Variants in DPP4 observed in about 807,000 individuals in gnomAD.
DPP4 encodes the protein dipeptidyl peptidase 4, also known as ADCP-2.
A neutral mutation model predicts 122.4 loss-of-function variants in DPP4; 93 were observed. The ratio of observed to expected loss-of-function variants is 0.76; its 90% CI spans 0.64 to 0.90. DPP4 has a LOEUF of 0.90. Among genes scored for constraint, DPP4 ranks in the 40% least tolerant of loss-of-function variants. DPP4 has a pLI of 0.00. For synonymous variants in DPP4, 321 were observed against 302.9 expected (o/e 1.06, Z -0.62); for missense variants, 914 against 907.3 (o/e 1.01, Z -0.09).
At chr2:162,009,867 G>GA (rs1377728827) in intron 20 of DPP4, among the ~76,000 whole-genome samples, 1 of 152,106 alleles carries the variant, frequency 6.6e-6, no homozygotes, top group African/African-American at 2.4e-5. Context: ...GATGGATTAA[G>GA]AAGTCTTCTT....
intron 17 of DPP4, 116 bp from the exon 18 acceptor site, chr2:162,016,982 T>C (rs1682948773): frequency 7.1e-7 from 1 of 1,407,766 alleles, no homozygotes; most frequent in African/African-American, 1.4e-5. Flanking sequence ...CTTCAGGTTA[T>C]AAGGCTTGTG....
intron 23 of DPP4, among the ~76,000 whole-genome samples, chr2:162,003,186 C>G (rs1228631582): frequency 6.6e-6 from 1 of 152,114 alleles, no homozygotes; most frequent in Non-Finnish European, 1.5e-5. Context: ...ACTTTGTGCA[C>G]CCAGTGTGCG....
chr2:162,036,276 CTCCTT>C (rs1683765490), intron 8 of DPP4, among the ~76,000 whole-genome samples: 1 of 152,080 alleles, frequency 6.6e-6, no homozygotes, highest in Admixed American at 6.6e-5. Flanking sequence ...TGCCTGATAC[CTCCTT>C]TCAAGTTACT....
At chr2:162,030,333 TC>T (rs748026745) in intron 10 of DPP4, among the ~76,000 whole-genome samples, 8 of 152,232 alleles carry the variant, frequency 5.3e-5, no homozygotes, top group Non-Finnish European at 8.8e-5. Context: ...GCTGCCCTTC[TC>T]ACTTATCAGA....
chr2:162,067,352 A>AG (rs2106159466), intron 2 of DPP4, among the ~76,000 whole-genome samples: 1 of 152,228 alleles, frequency 6.6e-6, no homozygotes, highest in African/African-American at 2.4e-5. Context: ...AAGTCAGGGA[A>AG]GGGGTGGATG....
intron 23 of DPP4, among the ~76,000 whole-genome samples, chr2:162,000,359 C>G (rs1701115853): frequency 6.6e-6 from 1 of 152,212 alleles, no homozygotes; most frequent in Non-Finnish European, 1.5e-5. Flanking sequence ...AACAACTGTA[C>G]CCATGGGATG....
intron 23 of DPP4, among the ~76,000 whole-genome samples, chr2:162,001,690 A>G (rs2970932): frequency 0.68 from 103,715 of 152,068 alleles, 36,767 homozygotes; most frequent in African/African-American, 0.89. Context: ...AGCCCACTCC[A>G]CAAGGTGTGG....
intron 12 of DPP4, 61 bp downstream of exon 12, chr2:162,022,694 T>C (rs916576623): frequency 2.6e-6 from 4 of 1,517,750 alleles, no homozygotes; most frequent in Admixed American, 3.3e-5. Context: ...TTTAAATAGC[T>C]GCATATCAAA....
At chr2:162,053,023 T>A (rs1394960412) in intron 2 of DPP4, among the ~76,000 whole-genome samples, 2 of 152,220 alleles carry the variant, frequency 1.3e-5, no homozygotes, top group African/African-American at 2.4e-5. Flanking sequence ...GCTGAATGGT[T>A]TCTCCTGACA....
chr2:162,036,339 T>C (rs1412906496), intron 8 of DPP4, among the ~76,000 whole-genome samples: 4 of 152,202 alleles, frequency 2.6e-5, no homozygotes, highest in East Asian at 3.9e-4. Context: ...AAATAATTAC[T>C]GTAATAAAAT....
At chr2:162,008,212 G>A (rs1701333488) in intron 22 of DPP4, among the ~76,000 whole-genome samples, 1 of 152,030 alleles carries the variant, frequency 6.6e-6, no homozygotes, top group Admixed American at 6.6e-5. Flanking sequence ...TAATTGATGG[G>A]AAAGAGATAC....
At chr2:162,039,664 TAA>T (rs1683919073) in intron 5 of DPP4, among the ~76,000 whole-genome samples, 1 of 152,230 alleles carries the variant, frequency 6.6e-6, no homozygotes, top group South Asian at 2.1e-4. Flanking sequence ...ATATTAAAAT[TAA>T]AATACATATA....
chr2:162,039,626 A>G (rs1162349673), intron 5 of DPP4, among the ~76,000 whole-genome samples: 1 of 152,168 alleles, frequency 6.6e-6, no homozygotes, highest in African/African-American at 2.4e-5. Context: ...AAAGTGTTAT[A>G]AAGTTTTTGG....
In DPP4 at chr2:162,048,049, T is replaced by G. The variant is rs888934161; in HGVS notation, c.95-548A>C. Among the ~76,000 whole-genome samples, 39 of 152,152 alleles carry G rather than the reference T, an allele frequency of 2.6e-4. 1 individual carries two copies. Reference sequence around the variant, plus strand: ...GTGTGGCCAGGTGTTCAACGACTACTGTAGTGGATGGCCTGGAGCTAGATC... The same window carrying G: ...GTGTGGCCAGGTGTTCAACGACTACGGTAGTGGATGGCCTGGAGCTAGATC... On this transcript the variant is annotated intron_variant, in intron 2 of 25. Transcript: ENST00000360534.
chr2:162,011,199 C>T (rs1682697161), intron 20 of DPP4, among the ~76,000 whole-genome samples: 1 of 152,146 alleles, frequency 6.6e-6, no homozygotes. Flanking sequence ...TGAGCCAGAT[C>T]ACATCTAGTT....
intron 2 of DPP4, among the ~76,000 whole-genome samples, chr2:162,052,135 A>G (rs935971657): frequency 7.9e-5 from 12 of 151,948 alleles, no homozygotes; most frequent in Admixed American, 6.6e-4. Context: ...ACTGACCAAC[A>G]TGGAGAAACC....
At chr2:162,065,043 C>A (rs1196599813) in intron 2 of DPP4, among the ~76,000 whole-genome samples, 1 of 152,208 alleles carries the variant, frequency 6.6e-6, no homozygotes, top group African/African-American at 2.4e-5. Context: ...TTCAATTCAA[C>A]TTAGGTATTT....
At position 162,045,580 on chromosome 2, in the gene DPP4, T is replaced by C. The variant is rs1228483107; in HGVS notation, c.318A>G (p.Ser106=). ...DEFGHSINDY[S]ISPDGQFILL... is the part of the protein sequence containing the mutation. ...GAATAAACTGCCCATCAGGAGATAT[T>C]GAATAATCATTGATAGAATGTCCAA... is the stretch of plus-strand genomic sequence containing the variant. The change falls in exon 5 of 26, where the codon TCA becomes TCG. Residue 106 remains serine, a synonymous_variant. Coordinates refer to ENST00000360534, the MANE Select transcript of DPP4 (RefSeq NM_001935.4). The C allele has an allele frequency of 6.2e-7, 1 of 1,612,870 alleles. No homozygotes were observed. Among genetic ancestry groups the C allele is most frequent in the Non-Finnish European group, 8.5e-7 (1 of 1,179,070 alleles).
At chr2:162,045,792 A>T (rs1216466451) in intron 4 of DPP4, among the ~76,000 whole-genome samples, 180 bp from the exon 5 acceptor site, 1 of 152,222 alleles carries the variant, frequency 6.6e-6, no homozygotes, top group Non-Finnish European at 1.5e-5. Flanking sequence ...GTGGCGATCA[A>T]TGTTAGAAAG....
Sources: gnomAD v4.1 joint callset for allele counts (sites outside exome capture counted in the v4.1 genomes callset) on GRCh38, gnomAD v4.1.1 for gene constraint, MANE v1.5 for transcripts, NCBI Gene and HGNC (gene_info 2026-07-23, HGNC 2026-07-21) for gene names.